The following ZNF618 variants were observed in gnomAD, a reference collection of about 807,000 sequenced individuals.
ZNF618 encodes neural precursor cell expressed, developmentally down-regulated 10.
In ZNF618, 34 loss-of-function variants were observed where a neutral mutation model predicts 103.0. The observed-to-expected ratio is 0.33, with a 90% CI of 0.25 to 0.44. The LOEUF is 0.44. ZNF618 is among the 20% of genes least tolerant of loss of function. The probability of loss-of-function intolerance (pLI) is 1.00; values close to 1 mark genes in which losing one functional copy is unlikely to be tolerated. For synonymous variants in ZNF618, 551 were observed against 542.2 expected, an observed-to-expected ratio of 1.02 and a Z score of -0.23; for missense variants, 1,059 against 1,295.4, an observed-to-expected ratio of 0.82 and a Z score of 2.80.
Position 113,998,286 on chromosome 9 carries a change from A to C in ZNF618, c.365A>C (p.His122Pro). 6.4e-7 allele frequency: 1 copy of C among 1,550,586 alleles called. No individual in the cohort carries two copies. Residue 122 changes from histidine to proline, a missense_variant, in exon 4 of 15, where the codon CAC becomes CCC. By Grantham distance (77) the His-to-Pro change is moderately conservative. Transcript: ENST00000374126. ...LDGKAPEGSP[H>P]GGSVRSRYSG... The stretch of plus-strand genomic sequence containing the variant: ...GGAAAAGCGCCCGAAGGCAGCCCCC[A>C]CGGTGGATCTGTGCGAAGCCGGTAT...
At chr9:114,039,687 C>G (rs1249002065) in intron 13 of ZNF618, among the ~76,000 whole-genome samples, 1 of 152,178 alleles carries the variant, frequency 6.6e-6, no homozygotes, top group African/African-American at 2.4e-5. Context: ...GCCACTTTAC[C>G]TCCCTGGACC....
chr9:113,939,382 G>A (rs559525835), intron 1 of ZNF618, among the ~76,000 whole-genome samples: 45 of 151,872 alleles, frequency 3.0e-4, no homozygotes, highest in Non-Finnish European at 4.9e-4. Flanking sequence ...GTAATTTAGT[G>A]CCATATTTTA....
Position 114,048,284 on chromosome 9 carries a change from T to C in ZNF618, c.1348+290T>C, listed in dbSNP as rs1312245487. On this transcript the variant is annotated intron_variant, in intron 14 of 14. Coordinates refer to ENST00000374126, the MANE Select transcript of ZNF618 (RefSeq NM_001318042.2). ...TCCACAATTTCTGCTGGTTGCTCTT[T>C]CCTGACATGATGATCCCATGTATCT... Among the ~76,000 whole-genome samples the C allele has an allele frequency of 2.2e-4, 34 of 152,192 alleles. 2 individuals are homozygous for C. Among genetic ancestry groups the C allele is most frequent in the Non-Finnish European group, 7.3e-5 (5 of 68,034 alleles).
intron 1 of ZNF618, among the ~76,000 whole-genome samples, chr9:113,902,277 T>G (rs1257209605): frequency 6.6e-6 from 1 of 152,210 alleles, no homozygotes; most frequent in Non-Finnish European, 1.5e-5. Flanking sequence ...GAGTTAGTTA[T>G]GAAGATTAAA....
At chr9:113,955,872 A>T (rs779913313) in intron 1 of ZNF618, among the ~76,000 whole-genome samples, 5 of 152,074 alleles carry the variant, frequency 3.3e-5, no homozygotes, top group African/African-American at 4.8e-5. Flanking sequence ...ATGTGGGAAT[A>T]GGTTTGCAAA....
chr9:114,045,725 G>A (rs1250499261), intron 13 of ZNF618, among the ~76,000 whole-genome samples: 7 of 151,852 alleles, frequency 4.6e-5, no homozygotes, highest in Non-Finnish European at 5.9e-5. Context: ...TGAATTTCAG[G>A]ATCAGCTTGT....
In ZNF618 at chr9:114,049,701, C is replaced by T. The variant is rs369470274; in HGVS notation, c.2399C>T (p.Pro800Leu). Residue 800 changes from proline to leucine, a missense_variant, in exon 15 of 15, where the codon CCG (proline) becomes CTG (leucine). Transcript: ENST00000374126. ...EALKENFKVHPAHKVAMILDP... is the reference protein window; with the variant it reads ...EALKENFKVHLAHKVAMILDP... ...CTCAAGGAGAACTTCAAGGTGCACCCGGCCCACAAGGTGGCCATGATCCTG... is the reference window on the plus strand; with the variant it reads ...CTCAAGGAGAACTTCAAGGTGCACCTGGCCCACAAGGTGGCCATGATCCTG... 2.6e-5 allele frequency: 42 copies of T among 1,613,722 alleles called. No individual in the cohort carries two copies. Among genetic ancestry groups the T allele is most frequent in the African/African-American group, 4.0e-5 (3 of 74,946 alleles).
In ZNF618 at chr9:113,894,830, A is replaced by G. The variant is rs73552334; in HGVS notation, c.33+18417A>G. On this transcript the variant is annotated intron_variant, in intron 1 of 14. Coordinates refer to ENST00000374126, the MANE Select transcript of ZNF618 (RefSeq NM_001318042.2). ...AAGTTAGTGGATAATTTATTGTATT[A>G]CCTTCTTAGTTCCAACAGTTTCTTG... Among the ~76,000 whole-genome samples the G allele has an allele frequency of 4.4e-3, 666 of 152,282 alleles. 4 individuals carry two copies. Among genetic ancestry groups the G allele is most frequent in the African/African-American group, 0.015 (623 of 41,556 alleles).
rs1261287043 is a variant in ZNF618 at position 114,049,457 on chromosome 9, A to G, written c.2155A>G (p.Lys719Glu). 2.5e-6 allele frequency: 4 copies of G among 1,610,368 alleles called. No individual in the cohort carries two copies. Among genetic ancestry groups the G allele is most frequent in the Non-Finnish European group, 3.4e-6 (4 of 1,178,366 alleles). ...EQICEFYSRA[K>E]KMNLIQSLNK... Reference sequence around the variant, plus strand: ...GATCTGCGAGTTCTACAGCCGGGCCAAGAAGATGAACCTCATCCAGAGCCT... The same window carrying G: ...GATCTGCGAGTTCTACAGCCGGGCCGAGAAGATGAACCTCATCCAGAGCCT... Residue 719 changes from lysine to glutamate, a missense_variant, in exon 15 of 15, where the codon AAG becomes GAG. By Grantham distance (56) the Lys-to-Glu change is moderately conservative. This residue lies in a region of ZNF618 where 272 missense variants were observed against 380.1 expected (regional missense o/e 0.72). Coordinates refer to ENST00000374126, the MANE Select transcript of ZNF618 (RefSeq NM_001318042.2).
intron 2 of ZNF618, among the ~76,000 whole-genome samples, chr9:113,985,099 C>T (rs760688393): frequency 6.6e-6 from 1 of 152,222 alleles, no homozygotes; most frequent in Non-Finnish European, 1.5e-5. Flanking sequence ...CTAGGTCCTA[C>T]GTAGACATTA....
At chr9:114,027,350 G>A (rs1031752535) in intron 10 of ZNF618, among the ~76,000 whole-genome samples, 3 of 152,184 alleles carry the variant, frequency 2.0e-5, no homozygotes, top group Non-Finnish European at 2.9e-5. Context: ...CTGGGGCTGG[G>A]GCGGACAGAT....
At chr9:113,943,936 G>A (rs556310946) in intron 1 of ZNF618, among the ~76,000 whole-genome samples, 1 of 152,338 alleles carries the variant, frequency 6.6e-6, no homozygotes, top group East Asian at 1.9e-4. Flanking sequence ...GAGAGTAAGA[G>A]TCAAGTGAGG....
At chr9:113,986,721 G>A (rs1374045692) in intron 2 of ZNF618, among the ~76,000 whole-genome samples, 1 of 152,202 alleles carries the variant, frequency 6.6e-6, no homozygotes, top group East Asian at 1.9e-4. Flanking sequence ...TCTGAATTGG[G>A]GGCACATAGT....
intron 10 of ZNF618, among the ~76,000 whole-genome samples, chr9:114,023,995 C>G (rs1348236986): frequency 6.6e-6 from 1 of 152,178 alleles, no homozygotes; most frequent in Non-Finnish European, 1.5e-5. Context: ...AAATTCTCAG[C>G]CAGTATTTCT....
intron 4 of ZNF618, among the ~76,000 whole-genome samples, chr9:113,999,366 C>T (rs757058788): frequency 3.3e-5 from 5 of 151,932 alleles, no homozygotes; most frequent in African/African-American, 4.8e-5. Flanking sequence ...TTAGGCTGAG[C>T]GAGGCGCAGG....
Position 114,052,376 on chromosome 9 carries a change from C to T in ZNF618, c.*2209C>T, listed in dbSNP as rs1278112563. 6.6e-6 allele frequency: 1 copy of T among 152,638 alleles called. No homozygotes were observed. The highest frequency in any genetic ancestry group is 1.9e-4 in the East Asian group (1 of 5,194). The allele number at this position is 152,638 out of a possible 1,614,324, so 9.5% of individuals were successfully genotyped here. A position where few individuals can be genotyped will look rare whatever the true frequency, so the allele number is the denominator to read the frequency against. On this transcript the variant is annotated 3_prime_UTR_variant, in exon 15 of 15. Transcript: ENST00000374126. ...CCTGGAGAAGTTCTAGGTATTACCT[C>T]CACAACATTTCCAACTGGGGGACTG...
intron 4 of ZNF618, among the ~76,000 whole-genome samples, chr9:114,000,512 C>T (rs1248585441): frequency 2.0e-5 from 3 of 151,362 alleles, no homozygotes; most frequent in Admixed American, 6.6e-5. Flanking sequence ...CATTAGCCAT[C>T]GTTAGTGTAT....
chr9:113,951,346 T>A (rs1835548716), intron 1 of ZNF618, among the ~76,000 whole-genome samples: 1 of 148,372 alleles, frequency 6.7e-6, no homozygotes, highest in African/African-American at 2.5e-5. Flanking sequence ...CAAACAATAT[T>A]TGTGAATAGG....
chr9:113,884,301 C>A (rs1244144913), intron 1 of ZNF618, among the ~76,000 whole-genome samples: 3 of 152,176 alleles, frequency 2.0e-5, no homozygotes, highest in Non-Finnish European at 4.4e-5. Context: ...CTCTGCTCCA[C>A]CAGTTAATCA....
Sources: allele counts gnomAD v4.1 joint callset (sites outside exome capture counted in the v4.1 genomes callset), GRCh38; gene constraint gnomAD v4.1.1; regional missense constraint gnomAD v4.1.1; transcripts MANE v1.5; gene names NCBI Gene and HGNC (gene_info 2026-07-23, HGNC 2026-07-21).